The following SASH1 variants were observed in gnomAD, a reference collection of about 807,000 sequenced individuals.
The protein encoded by SASH1 is SAM and SH3 domain-containing protein 1.
SASH1 carries 44 observed loss-of-function variants against 125.2 expected under a neutral mutation model. The ratio of observed to expected loss-of-function variants is 0.35; its 90% CI spans 0.28 to 0.45. The LOEUF (loss-of-function observed/expected upper bound fraction) is 0.45. SASH1 is among the 20% of genes least tolerant of loss of function. The pLI is 1.00. For missense variants in SASH1, 1,426 were observed against 1,614.5 expected (o/e 0.88, Z 2.00); for synonymous variants, 639 against 649.1 (o/e 0.98, Z 0.24).
chr6:148,326,357 TG>T (rs1780817860), intron 1 of SASH1, among the ~76,000 whole-genome samples: 1 of 40,500 alleles, frequency 2.5e-5, no homozygotes, highest in African/African-American at 8.7e-5. Flanking sequence ...TATATATATA[TG>T]CATATATATA....
At chr6:148,227,999 ACAAAGCAGG>A in the SASH1 span, among the ~76,000 whole-genome samples, 1 of 152,236 alleles carries the variant, frequency 6.6e-6, no homozygotes, top group Non-Finnish European at 1.5e-5. Flanking sequence ...ACTGGCAGAC[ACAAAGCAGG>A]GAAAATTCAA....
chr6:148,394,678 TTTG>T, intron 2 of SASH1, among the ~76,000 whole-genome samples: 1 of 152,218 alleles, frequency 6.6e-6, no homozygotes, highest in East Asian at 1.9e-4. Flanking sequence ...GAGTTTCACT[TTTG>T]TTGCCCAGGC....
chr6:148,283,017 C>T (rs1779385404), intron 1 of SASH1, among the ~76,000 whole-genome samples: 1 of 152,112 alleles, frequency 6.6e-6, no homozygotes, highest in African/African-American at 2.4e-5. Context: ...AAGGAGGAGA[C>T]CTGAAGTGAT....
intron 1 of SASH1, among the ~76,000 whole-genome samples, chr6:148,387,564 TTCTCTTTCTTTC>T (rs1783440035): frequency 4.2e-5 from 6 of 142,394 alleles, no homozygotes; most frequent in East Asian, 4.4e-4. Context: ...TTTCTTTCTT[TTCTCTTTCTTTC>T]TTTCTTTCTT....
intron 1 of SASH1, among the ~76,000 whole-genome samples, chr6:148,300,590 A>G (rs573656123): frequency 3.9e-4 from 59 of 152,048 alleles, no homozygotes; most frequent in African/African-American, 1.4e-3. Context: ...CTGGAATTAC[A>G]GGCATGAGTA....
intron 16 of SASH1, 105 bp downstream of exon 16, chr6:148,535,006 C>T: frequency 1.7e-6 from 2 of 1,193,856 alleles, no homozygotes; most frequent in East Asian, 2.4e-5. Flanking sequence ...TTATTCTGTC[C>T]TGTTCTTTCT....
chr6:148,217,369 G>A, the SASH1 span, among the ~76,000 whole-genome samples: 4,637 of 152,310 alleles, frequency 0.03, 150 homozygotes, highest in African/African-American at 0.079. Flanking sequence ...TGTTTGGCAT[G>A]TGCTGCGTAC....
chr6:148,211,586 A>C, the SASH1 span, among the ~76,000 whole-genome samples: 7 of 152,078 alleles, frequency 4.6e-5, no homozygotes, highest in Non-Finnish European at 7.4e-5. Context: ...GAAAAAAAAA[A>C]AAAGCACTAA....
chr6:148,409,661 C>T (rs1166782719), intron 2 of SASH1, among the ~76,000 whole-genome samples: 3 of 152,212 alleles, frequency 2.0e-5, no homozygotes, highest in Non-Finnish European at 2.9e-5. Flanking sequence ...CAATTCTGGG[C>T]GTGGTGGCTC....
chr6:148,336,420 C>T (rs564158230), intron 1 of SASH1, among the ~76,000 whole-genome samples: 2 of 152,134 alleles, frequency 1.3e-5, no homozygotes, highest in South Asian at 2.1e-4. Flanking sequence ...TCAGGTGATC[C>T]GCCCGCCTCA....
the SASH1 span, among the ~76,000 whole-genome samples, chr6:148,243,651 CAAAAAAAA>C: frequency 7.1e-5 from 5 of 70,290 alleles, no homozygotes; most frequent in African/African-American, 2.2e-4. Context: ...AACTGTGTCT[CAAAAAAAA>C]AAAAAAAAAA....
At chr6:148,323,316 G>C (rs949061499) in intron 1 of SASH1, among the ~76,000 whole-genome samples, 1 of 152,018 alleles carries the variant, frequency 6.6e-6, no homozygotes, top group East Asian at 1.9e-4. Flanking sequence ...GCCAACGGTG[G>C]CTCTTTCAAA....
Position 148,533,765 on chromosome 6 carries a change from C to T in SASH1, c.1735-6C>T, listed in dbSNP as rs1204551193. 1 of 1,610,106 alleles carries T rather than the reference C, an allele frequency of 6.2e-7. No homozygotes were observed. Among genetic ancestry groups the T allele is most frequent in the South Asian group, 1.1e-5 (1 of 90,924 alleles). On this transcript the variant is annotated splice_region_variant and splice_polypyrimidine_tract_variant and intron_variant, in intron 14 of 19. Coordinates refer to ENST00000367467, the MANE Select transcript of SASH1 (RefSeq NM_015278.5). This position sits in a 1 kb window ranked among gnomAD's most constrained non-coding sequence, Gnocchi z 6.2. ...AATGGAAAGATCTTTGCTCCCTGGG[C>T]CACAGAAAGGAGATATCATCGATAT...
chr6:148,363,608 G>T (rs1782336809), intron 1 of SASH1, among the ~76,000 whole-genome samples: 1 of 151,830 alleles, frequency 6.6e-6, no homozygotes, highest in South Asian at 2.1e-4. Context: ...CACCATCTTG[G>T]CCATGCTGGT....
intron 16 of SASH1, among the ~76,000 whole-genome samples, chr6:148,536,784 G>A (rs1781872726): frequency 6.6e-6 from 1 of 152,134 alleles, no homozygotes; most frequent in Admixed American, 6.5e-5. Context: ...ATTCCTCCTG[G>A]GATCACATCC....
At chr6:148,373,520 C>G (rs1782775502) in intron 1 of SASH1, among the ~76,000 whole-genome samples, 1 of 152,164 alleles carries the variant, frequency 6.6e-6, no homozygotes, top group Non-Finnish European at 1.5e-5. Context: ...GTGGCCTTTT[C>G]TCTGAAAGAA....
intron 1 of SASH1, among the ~76,000 whole-genome samples, chr6:148,294,707 G>A (rs1049084135): frequency 6.6e-6 from 1 of 152,164 alleles, no homozygotes; most frequent in Non-Finnish European, 1.5e-5. Flanking sequence ...CAGCCTGTGT[G>A]ATCAGATCCC....
the SASH1 span, among the ~76,000 whole-genome samples, chr6:148,211,650 T>C: frequency 6.6e-6 from 1 of 151,726 alleles, no homozygotes; most frequent in African/African-American, 2.4e-5. Flanking sequence ...CCCTATTTCA[T>C]AGCTGAGGCC....
chr6:148,369,051 G>A (rs78344126), intron 1 of SASH1, among the ~76,000 whole-genome samples: 34 of 152,332 alleles, frequency 2.2e-4, no homozygotes, highest in Non-Finnish European at 4.7e-4. Context: ...GAGCTGCAAA[G>A]AGTTATGAAG....
Sources: gnomAD v4.1 joint callset for allele counts (sites outside exome capture counted in the v4.1 genomes callset) on GRCh38, gnomAD v4.1.1 for gene constraint, Gnocchi (gnomAD v3.1) non-coding constraint, MANE v1.5 for transcripts, NCBI Gene and HGNC (gene_info 2026-07-23, HGNC 2026-07-21) for gene names.